NDUFAF7: variants seen among roughly 807,000 people sequenced by gnomAD.
NDUFAF7 encodes the protein protein arginine methyltransferase NDUFAF7, mitochondrial.
A neutral mutation model predicts 47.2 loss-of-function variants in NDUFAF7; 48 were observed. The ratio of observed to expected loss-of-function variants is 1.02; its 90% CI spans 0.81 to 1.29. The LOEUF (loss-of-function observed/expected upper bound fraction) is 1.29. Ranked by LOEUF, NDUFAF7 falls within the 50% of genes most tolerant of loss-of-function variation. The probability of loss-of-function intolerance (pLI) is 0.00; values close to 1 mark genes in which losing one functional copy is unlikely to be tolerated. For missense variants in NDUFAF7, 635 were observed against 537.6 expected (o/e 1.18, Z -1.79); for synonymous variants, 217 against 190.0 (o/e 1.14, Z -1.17).
downstream of NDUFAF7, chr2:37,257,029 C>G: frequency 8.0e-7 from 1 of 1,244,418 alleles, no homozygotes; most frequent in Non-Finnish European, 1.1e-6. Flanking sequence ...AACATACTTG[C>G]CAGCTCTACT....
rs749318045 is a variant in NDUFAF7, at chr2:37,241,589, A to T, written c.420A>T (p.Gln140His). 6.2e-7 allele frequency: 1 copy of T among 1,613,472 alleles called. No individual in the cohort carries two copies. The highest frequency in any genetic ancestry group is 8.5e-7 in the Non-Finnish European group (1 of 1,179,678). ...LVGDILRVFT[Q>H]LGSVLKNCDI... Reference sequence around the variant, plus strand: ...CTTTTGGTATTTAGGTGTTCACTCAACTTGGATCTGTGCTGAAAAATTGTG... The same window carrying T: ...CTTTTGGTATTTAGGTGTTCACTCATCTTGGATCTGTGCTGAAAAATTGTG... Residue 140 changes from glutamine (Q) to histidine (H), a missense_variant, in exon 5 of 10, where the codon CAA becomes CAT. Transcript: ENST00000002125.
downstream of NDUFAF7, among the ~76,000 whole-genome samples, chr2:37,255,422 G>A (rs777464462): frequency 6.6e-6 from 1 of 152,206 alleles, no homozygotes; most frequent in African/African-American, 2.4e-5. Flanking sequence ...TTTAAGTAGT[G>A]TACTTGTCCT....
At chr2:37,269,622 A>T in the NDUFAF7 span, 1 of 1,611,162 alleles carries the variant, frequency 6.2e-7, no homozygotes, top group South Asian at 1.1e-5. Flanking sequence ...TACCTCCATA[A>T]ACGATGCCAA....
At chr2:37,241,855 C>T (rs948541557) in intron 5 of NDUFAF7, 64 bp downstream of exon 5, 5 of 1,437,422 alleles carry the variant, frequency 3.5e-6, no homozygotes, top group Non-Finnish European at 4.8e-6. Flanking sequence ...ATTGATGGGA[C>T]TGTAACTTTT....
At chr2:37,250,133 TAG>T (rs2148455662), downstream of NDUFAF7, among the ~76,000 whole-genome samples, 1 of 152,140 alleles carries the variant, frequency 6.6e-6, no homozygotes, top group East Asian at 1.9e-4. Context: ...CCTAAAAGAT[TAG>T]ACACCCCTGC....
At chr2:37,269,479 C>A in the NDUFAF7 span, 1 of 700,084 alleles carries the variant, frequency 1.4e-6, no homozygotes. Context: ...AAGGATTTAG[C>A]TGAAAGATAA....
chr2:37,263,491 ATTTCTC>A, the NDUFAF7 span, among the ~76,000 whole-genome samples: 1 of 152,036 alleles, frequency 6.6e-6, no homozygotes, highest in Non-Finnish European at 1.5e-5. Context: ...TGTCTACTCC[ATTTCTC>A]ATGGACTACT....
In NDUFAF7 at chr2:37,231,718, C is replaced by A. The variant is rs376369006; in HGVS notation, c.13C>A (p.Leu5Met). 5.6e-6 allele frequency: 9 copies of A among 1,614,226 alleles called. No homozygotes were observed. Among genetic ancestry groups the A allele is most frequent in the African/African-American group, 4.0e-5 (3 of 75,054 alleles). ...TGCGAATTTCAGCATGAGTGTACTG[C>A]TGAGGTCAGGTTTGGGGCCGTTGTG... MSVL[L>M]RSGLGPLCAV... The change falls in exon 1 of 10, where the codon CTG becomes ATG. Residue 5 changes from leucine (L) to methionine (M), a missense_variant. Coordinates refer to ENST00000002125, the MANE Select transcript of NDUFAF7 (RefSeq NM_144736.5).
the NDUFAF7 span, among the ~76,000 whole-genome samples, chr2:37,264,155 GGTTGACA>G: frequency 6.6e-6 from 1 of 152,070 alleles, no homozygotes; most frequent in Non-Finnish European, 1.5e-5. Flanking sequence ...GATGTGGCCA[GGTTGACA>G]GTTTATGTAG....
chr2:37,243,766 G>T lies in NDUFAF7; in HGVS notation c.682-97G>T, dbSNP rs1558501396. The T allele has an allele frequency of 9.6e-6, 8 of 830,568 alleles. No individual in the cohort carries two copies. In the East Asian group the frequency reaches 1.3e-4, roughly 14 times the overall value. 51.4% of individuals were successfully genotyped at this position (830,568 alleles called of 1,614,324 possible). A position where few individuals can be genotyped will look rare whatever the true frequency, so the allele number is the denominator to read the frequency against. On this transcript the variant is annotated intron_variant, in intron 6 of 9. Coordinates refer to ENST00000002125, the MANE Select transcript of NDUFAF7 (RefSeq NM_144736.5). The stretch of plus-strand genomic sequence containing the variant: ...AATAGTAAGTTCTCTGTAAATGTTA[G>T]TTACTTATGGTAAGAGGAGAAAAAG...
downstream of NDUFAF7, chr2:37,251,022 CTATG>C (rs1003888000): frequency 4.6e-5 from 7 of 152,358 alleles, no homozygotes; most frequent in South Asian, 2.1e-4. Context: ...TAAAGTTTGA[CTATG>C]TAAGTATAGC....
downstream of NDUFAF7, chr2:37,256,628 A>ATTTTTTTTT: frequency 3.3e-6 from 4 of 1,196,936 alleles, no homozygotes; most frequent in South Asian, 5.5e-5. Flanking sequence ...CATAGCCAAA[A>ATTTTTTTTT]TTTTTTTTTT....
the NDUFAF7 span, chr2:37,267,405 C>T: frequency 7.0e-7 from 1 of 1,437,020 alleles, no homozygotes; most frequent in Non-Finnish European, 9.6e-7. Context: ...CTTTAATAAA[C>T]CAGTTTTTTA....
At chr2:37,256,653 T>G, downstream of NDUFAF7, 1 of 1,404,692 alleles carries the variant, frequency 7.1e-7, no homozygotes, top group Non-Finnish European at 9.3e-7. Context: ...TTTTTTTTTT[T>G]TTTTTTACCT....
chr2:37,234,087 T>C (rs1250371151), intron 2 of NDUFAF7, among the ~76,000 whole-genome samples: 1 of 152,176 alleles, frequency 6.6e-6, no homozygotes, highest in African/African-American at 2.4e-5. Context: ...GATTATGGGC[T>C]TTTTTGTTTG....
Position 37,231,757 on chromosome 2 carries a change from G to T in NDUFAF7, c.52G>T (p.Ala18Ser). The change falls in exon 1 of 10, where the codon GCA (alanine) becomes TCA (serine). Residue 18 changes from alanine (A) to serine (S), a missense_variant. Ala to Ser is a moderately conservative substitution (Grantham distance 99). Transcript: ENST00000002125. ...GGGGCCGTTGTGTGCCGTGGCGCGC[G>T]CAGGTAAGCGTCAGTCCCCTCGAAG... ...GLGPLCAVAR[A>S]AIPFIWRGKY... 2.5e-6 allele frequency: 4 copies of T among 1,614,200 alleles called. No homozygotes were observed. Among genetic ancestry groups the T allele is most frequent in the African/African-American group, 1.3e-5 (1 of 75,052 alleles).
At chr2:37,243,766 GTTAC>G (rs1407800714) in intron 6 of NDUFAF7, 93 bp from the exon 7 acceptor site, 9 of 830,450 alleles carry the variant, frequency 1.1e-5, no homozygotes, top group Admixed American at 2.0e-5. Flanking sequence ...GTAAATGTTA[GTTAC>G]TTATGGTAAG....
rs769745361 is a variant in NDUFAF7 at position 37,236,195 on chromosome 2, T to C, written c.297+19T>C. 1 of 1,537,698 alleles carries C rather than the reference T, an allele frequency of 6.5e-7. No individual in the cohort carries two copies. Among genetic ancestry groups the C allele is most frequent in the Non-Finnish European group, 9.0e-7 (1 of 1,110,556 alleles). On this transcript the variant is annotated intron_variant, in intron 3 of 9. Transcript: ENST00000002125. Reference sequence around the variant, plus strand: ...TGGGGAGGTAATATACTATGTAAAGTATGAATGAAGCTAATATAAACATTT... The same window carrying C: ...TGGGGAGGTAATATACTATGTAAAGCATGAATGAAGCTAATATAAACATTT...
downstream of NDUFAF7, chr2:37,252,902 T>TTAA (rs1347053808): frequency 5.4e-6 from 1 of 186,792 alleles, no homozygotes; most frequent in Non-Finnish European, 1.1e-5. Context: ...GCCTATTGTA[T>TTAA]TAAAGTGAAG....
Sources: gnomAD v4.1 joint callset for allele counts (sites outside exome capture counted in the v4.1 genomes callset) on GRCh38, gnomAD v4.1.1 for gene constraint, MANE v1.5 for transcripts, NCBI Gene and HGNC (gene_info 2026-07-23, HGNC 2026-07-21) for gene names.